The following SMIM13 variants were observed in gnomAD, a reference collection of about 807,000 sequenced individuals.
SMIM13 encodes small integral membrane protein 13, also known as UPF0766 protein C6orf228.
SMIM13 carries 3 observed loss-of-function variants against 5.9 expected under a neutral mutation model. That is an observed-to-expected ratio of 0.51 (90% CI 0.23 to 1.31). The LOEUF (loss-of-function observed/expected upper bound fraction) is 1.31. Among genes scored for constraint, SMIM13 ranks in the 40% most tolerant of loss-of-function variants. SMIM13 has a pLI of 0.18. For synonymous variants in SMIM13, 55 were observed against 46.0 expected (o/e 1.19, Z -0.79); for missense variants, 85 against 109.9 (o/e 0.77, Z 1.01).
chr6:11,095,194 A>G (rs2113634027), intron 1 of SMIM13, among the ~76,000 whole-genome samples: 1 of 152,340 alleles, frequency 6.6e-6, no homozygotes, highest in South Asian at 2.1e-4. Flanking sequence ...GTATGGGTTC[A>G]GGTTGATGTA....
intron 1 of SMIM13, among the ~76,000 whole-genome samples, chr6:11,099,331 C>T (rs1300809205): frequency 2.6e-5 from 4 of 152,182 alleles, no homozygotes; most frequent in African/African-American, 7.2e-5. Context: ...CCCGCCACCA[C>T]ACCCGGCTGG....
chr6:11,126,276 C>T (rs1005992415), intron 1 of SMIM13, among the ~76,000 whole-genome samples: 1 of 152,230 alleles, frequency 6.6e-6, no homozygotes, highest in African/African-American at 2.4e-5. Flanking sequence ...TCTCAAACTC[C>T]TGACCTCGTG....
chr6:11,123,739 A>G (rs890984377), intron 1 of SMIM13, among the ~76,000 whole-genome samples: 5 of 152,360 alleles, frequency 3.3e-5, no homozygotes, highest in Non-Finnish European at 7.4e-5. Flanking sequence ...CAATACATAC[A>G]TATAATTTAC....
chr6:11,127,554 G>C (rs1244745588), intron 1 of SMIM13, among the ~76,000 whole-genome samples: 1 of 152,190 alleles, frequency 6.6e-6, no homozygotes, highest in Non-Finnish European at 1.5e-5. Context: ...CACGTGGCTG[G>C]GGAAGACTCA....
intron 1 of SMIM13, among the ~76,000 whole-genome samples, chr6:11,121,876 A>G (rs982352282): frequency 6.6e-6 from 1 of 152,156 alleles, no homozygotes; most frequent in Non-Finnish European, 1.5e-5. Flanking sequence ...CTCATCAGCA[A>G]TGTCTGGCCA....
intron 1 of SMIM13, chr6:11,104,351 G>T: frequency 6.4e-7 from 1 of 1,551,718 alleles, no homozygotes; most frequent in Non-Finnish European, 8.7e-7. Flanking sequence ...GGGTTACATA[G>T]CCTATGGTAC....
chr6:11,104,172 G>A (rs1758045134), intron 1 of SMIM13: 1 of 1,551,610 alleles, frequency 6.4e-7, no homozygotes, highest in Non-Finnish European at 8.7e-7. Flanking sequence ...CTGGCTATAG[G>A]TGAGGGAAGC....
chr6:11,126,668 G>A (rs529103559), intron 1 of SMIM13, among the ~76,000 whole-genome samples: 4 of 151,098 alleles, frequency 2.6e-5, no homozygotes, highest in Non-Finnish European at 4.4e-5. Context: ...TTTCCTGGAT[G>A]GTCTTGATAC....
In SMIM13 at chr6:11,103,987, C is replaced by T. The variant is rs139127027; in HGVS notation, c.76+9598C>T. The T allele has an allele frequency of 6.4e-6, 10 of 1,551,560 alleles. No individual in the cohort carries two copies. The African/African-American group carries it at 9.6e-5, about 15-fold the overall frequency. ...TCTTGTACTTTTCCTGATTGATTTA[C>T]CCAAAAGCAACATTTTTCATCTAAG... On this transcript the variant is annotated intron_variant, in intron 1 of 1. Coordinates refer to ENST00000416247, the MANE Select transcript of SMIM13 (RefSeq NM_001135575.2).
At chr6:11,104,497 C>T (rs1758052323) in intron 1 of SMIM13, 1 of 1,556,156 alleles carries the variant, frequency 6.4e-7, no homozygotes, top group African/African-American at 1.4e-5. Context: ...AATTCTGAGA[C>T]TGCTGATATG....
At chr6:11,097,211 T>G (rs1407395274) in intron 1 of SMIM13, among the ~76,000 whole-genome samples, 1 of 152,188 alleles carries the variant, frequency 6.6e-6, no homozygotes, top group Non-Finnish European at 1.5e-5. Context: ...CTCCTGAGGC[T>G]TCTCTCCTTG....
At chr6:11,129,890 C>T (rs1461697415) in intron 1 of SMIM13, among the ~76,000 whole-genome samples, 3 of 152,026 alleles carry the variant, frequency 2.0e-5, no homozygotes, top group African/African-American at 7.2e-5. Flanking sequence ...GGTATGTATT[C>T]CTTGGGGCTT....
At chr6:11,119,668 A>G (rs1290346969) in intron 1 of SMIM13, among the ~76,000 whole-genome samples, 1 of 151,464 alleles carries the variant, frequency 6.6e-6, no homozygotes, top group African/African-American at 2.4e-5. Flanking sequence ...AAAACAGAAA[A>G]TTTGGTCCTC....
intron 1 of SMIM13, among the ~76,000 whole-genome samples, chr6:11,116,222 T>C (rs187195437): frequency 0.02 from 3,070 of 152,238 alleles, 47 homozygotes; most frequent in South Asian, 0.049. Flanking sequence ...TTTCCCCATG[T>C]TGGCCAGGCT....
At chr6:11,126,104 C>A (rs1271639760) in intron 1 of SMIM13, among the ~76,000 whole-genome samples, 3 of 152,142 alleles carry the variant, frequency 2.0e-5, no homozygotes, top group African/African-American at 7.2e-5. Context: ...GGCTGGAGTG[C>A]AGTGGCACCA....
At chr6:11,120,062 A>C (rs1406863712) in intron 1 of SMIM13, among the ~76,000 whole-genome samples, 2 of 152,234 alleles carry the variant, frequency 1.3e-5, no homozygotes, top group African/African-American at 4.8e-5. Flanking sequence ...ATAAGATTGA[A>C]AATGGAAAAG....
At chr6:11,099,726 T>A (rs1757967878) in intron 1 of SMIM13, among the ~76,000 whole-genome samples, 1 of 152,220 alleles carries the variant, frequency 6.6e-6, no homozygotes. Context: ...TTTATTTCAA[T>A]TCTGTTACTC....
chr6:11,103,861 G>C, intron 1 of SMIM13: 1 of 1,551,694 alleles, frequency 6.4e-7, no homozygotes, highest in Non-Finnish European at 8.7e-7. Flanking sequence ...GTAAGGGGAA[G>C]AACCCAAGAG....
At chr6:11,120,177 A>T (rs1758291841) in intron 1 of SMIM13, among the ~76,000 whole-genome samples, 1 of 152,258 alleles carries the variant, frequency 6.6e-6, no homozygotes, top group Admixed American at 6.5e-5. Flanking sequence ...TCCACAATTT[A>T]CAAAGATCAG....
Sources: allele counts gnomAD v4.1 joint callset (sites outside exome capture counted in the v4.1 genomes callset), GRCh38; gene constraint gnomAD v4.1.1; transcripts MANE v1.5; gene names NCBI Gene and HGNC (gene_info 2026-07-23, HGNC 2026-07-21).